The following MND1 variants were observed in gnomAD, a reference collection of about 807,000 sequenced individuals.
MND1 encodes the protein meiotic nuclear division protein 1 homolog.
A neutral mutation model predicts 35.1 loss-of-function variants in MND1; 28 were observed. The observed-to-expected ratio is 0.80, with a 90% CI of 0.59 to 1.09. The LOEUF is 1.09. MND1 is among the 50% of genes least tolerant of loss of function. The pLI is 0.00. For missense variants in MND1, 213 were observed against 239.6 expected, an observed-to-expected ratio of 0.89 and a Z score of 0.73; for synonymous variants, 69 against 70.5, an observed-to-expected ratio of 0.98 and a Z score of 0.11.
At chr4:153,352,402 C>T (rs1773237758) in intron 2 of MND1, among the ~76,000 whole-genome samples, 1 of 152,122 alleles carries the variant, frequency 6.6e-6, no homozygotes, top group East Asian at 1.9e-4. Context: ...TGAAAGCTTG[C>T]ATCTGGAACC....
chr4:153,346,353 C>T (rs116170607), intron 1 of MND1, among the ~76,000 whole-genome samples: 1,841 of 152,246 alleles, frequency 0.012, 37 homozygotes, highest in African/African-American at 0.042. Context: ...CCTCAGATAA[C>T]ATGATTTTTT....
Position 153,358,505 on chromosome 4 carries a change from CT to C in MND1, c.161del (p.Leu54Ter). 6.2e-7 allele frequency: 1 copy of C among 1,609,712 alleles called. No individual in the cohort carries two copies. Among genetic ancestry groups the C allele is most frequent in the South Asian group, 1.1e-5 (1 of 90,072 alleles). ...AMSVKEVLQS[L>X]VDDGMVDCER... ...TGTCAGTAAAAGAAGTCCTTCAAAG[CT>C]TAGTTGATGATGGTATGGTTGACTG... is the stretch of plus-strand genomic sequence containing the variant. On this transcript the variant is annotated frameshift_variant, in exon 4 of 8. Coordinates refer to ENST00000240488, the MANE Select transcript of MND1 (RefSeq NM_032117.4). LOFTEE classifies it high-confidence loss of function.
chr4:153,414,663 A>T, intron 7 of MND1, 88 bp from the exon 8 acceptor site: 1 of 539,756 alleles, frequency 1.9e-6, no homozygotes, highest in South Asian at 3.7e-5. Context: ...AGTTAATAGA[A>T]GGAAGTAAAA....
At chr4:153,353,916 T>C (rs532651027) in intron 2 of MND1, among the ~76,000 whole-genome samples, 2 of 152,146 alleles carry the variant, frequency 1.3e-5, no homozygotes, top group South Asian at 4.1e-4. Context: ...AACAGAGTTT[T>C]GCCATGTTGG....
At chr4:153,411,024 A>G (rs1283559802) in intron 7 of MND1, among the ~76,000 whole-genome samples, 5 of 152,154 alleles carry the variant, frequency 3.3e-5, no homozygotes, top group African/African-American at 4.8e-5. Flanking sequence ...TGTAGCTAGA[A>G]TTGAGAATAT....
intron 6 of MND1, among the ~76,000 whole-genome samples, chr4:153,399,136 CT>C (rs999062689): frequency 6.6e-6 from 1 of 152,120 alleles, no homozygotes; most frequent in African/African-American, 2.4e-5. Flanking sequence ...TCTTACTTGC[CT>C]TTTTTCCTGA....
Position 153,361,770 on chromosome 4 carries a change from G to A in MND1, c.276+3148G>A, listed in dbSNP as rs543887359. ...GGAGAATGGCATGAACCCGGGAGGTGGAGCTTGCAGTGAGCCAAGATCGCG... is the reference window on the plus strand; with the variant it reads ...GGAGAATGGCATGAACCCGGGAGGTAGAGCTTGCAGTGAGCCAAGATCGCG... On this transcript the variant is annotated intron_variant, in intron 4 of 7. Coordinates refer to ENST00000240488, the MANE Select transcript of MND1 (RefSeq NM_032117.4). 1.8e-3 allele frequency: 571 copies of A among 315,214 alleles called. 13 individuals are homozygous for A. The highest frequency in any genetic ancestry group is 0.013 in the South Asian group (493 of 38,482). 19.5% of individuals were successfully genotyped at this position (315,214 alleles called of 1,614,324 possible). A position where few individuals can be genotyped will look rare whatever the true frequency, so the allele number is the denominator to read the frequency against.
chr4:153,392,891 C>T (rs1003024178), intron 4 of MND1, among the ~76,000 whole-genome samples: 6 of 152,018 alleles, frequency 3.9e-5, no homozygotes, highest in Admixed American at 6.6e-5. Context: ...AGGCTGAGGT[C>T]GGAAGATTGC....
At chr4:153,362,857 G>A (rs2149636083) in intron 4 of MND1, 3 of 286,952 alleles carry the variant, frequency 1.0e-5, no homozygotes, top group South Asian at 2.7e-4. Flanking sequence ...TAGTAGTTAT[G>A]GACCAATTTT....
intron 4 of MND1, among the ~76,000 whole-genome samples, chr4:153,384,572 C>A (rs997771139): frequency 1.4e-5 from 2 of 147,454 alleles, no homozygotes; most frequent in African/African-American, 5.0e-5. Flanking sequence ...GGATTACAGG[C>A]GTGAGCCACT....
intron 6 of MND1, among the ~76,000 whole-genome samples, chr4:153,403,562 CT>C (rs1262868442): frequency 6.6e-6 from 1 of 152,102 alleles, no homozygotes; most frequent in African/African-American, 2.4e-5. Flanking sequence ...TGTAACAACT[CT>C]ACGAGCAACA....
chr4:153,372,713 C>T (rs779486179), intron 4 of MND1, among the ~76,000 whole-genome samples: 6 of 152,238 alleles, frequency 3.9e-5, no homozygotes, highest in Admixed American at 6.5e-5. Context: ...GGCATCATGC[C>T]GTAGTGTGTA....
intron 2 of MND1, among the ~76,000 whole-genome samples, chr4:153,352,367 C>T (rs1360366483): frequency 3.3e-5 from 5 of 152,052 alleles, no homozygotes; most frequent in African/African-American, 1.2e-4. Context: ...TTAGGAAGAA[C>T]ATGAGAACAG....
chr4:153,355,808 C>G, intron 3 of MND1, 97 bp downstream of exon 3: 1 of 798,416 alleles, frequency 1.3e-6, no homozygotes, highest in South Asian at 1.7e-5. Context: ...CTGCAACAGT[C>G]TTTCACTTTA....
At chr4:153,347,438 T>C (rs1773101427) in intron 1 of MND1, among the ~76,000 whole-genome samples, 2 of 152,194 alleles carry the variant, frequency 1.3e-5, no homozygotes. Flanking sequence ...GTTGGGGGGC[T>C]TAGGAGCCTG....
At chr4:153,346,995 T>C (rs997430613) in intron 1 of MND1, among the ~76,000 whole-genome samples, 26 of 152,106 alleles carry the variant, frequency 1.7e-4, no homozygotes, top group African/African-American at 6.3e-4. Flanking sequence ...TTAAAAAATA[T>C]GTTGGAGAGG....
At chr4:153,409,933 A>G (rs1729634250) in intron 7 of MND1, among the ~76,000 whole-genome samples, 1 of 152,206 alleles carries the variant, frequency 6.6e-6, no homozygotes. Flanking sequence ...TACGAATCCA[A>G]GGTGATTTCC....
rs1773325591 is a variant in MND1 at position 153,355,817 on chromosome 4, T to C, written c.127+106T>C. 5.5e-6 allele frequency: 4 copies of C among 728,384 alleles called. No individual in the cohort carries two copies. In the East Asian group the frequency reaches 1.0e-4, roughly 19 times the overall value. The allele number at this position is 728,384 out of a possible 1,614,324, so 45.1% of individuals were successfully genotyped here. On this transcript the variant is annotated intron_variant, in intron 3 of 7. Transcript: ENST00000240488. ...TCTTTTCTGCAACAGTCTTTCACTTTATGGAAAACCTAAATTTCTAGAGAC... is the reference window on the plus strand; with the variant it reads ...TCTTTTCTGCAACAGTCTTTCACTTCATGGAAAACCTAAATTTCTAGAGAC...
chr4:153,370,680 T>C lies in MND1; in HGVS notation c.276+12058T>C, dbSNP rs1186051721. Among the ~76,000 whole-genome samples, 6 of 152,024 alleles carry C rather than the reference T, an allele frequency of 3.9e-5. No individual in the cohort carries two copies. In the East Asian group the frequency reaches 1.2e-3, roughly 29 times the overall value. On this transcript the variant is annotated intron_variant, in intron 4 of 7. Transcript: ENST00000240488. Reference sequence around the variant, plus strand: ...GATTATGGGCAGGCACCATCACGCCTGGCTAACTTTTGTATTTTTAGTAGA... The same window carrying C: ...GATTATGGGCAGGCACCATCACGCCCGGCTAACTTTTGTATTTTTAGTAGA...
Sources: allele counts gnomAD v4.1 joint callset (sites outside exome capture counted in the v4.1 genomes callset), GRCh38; gene constraint gnomAD v4.1.1; transcripts MANE v1.5; gene names NCBI Gene and HGNC (gene_info 2026-07-23, HGNC 2026-07-21).